The following MECOM variants were observed in gnomAD, a reference collection of about 807,000 sequenced individuals.
The protein encoded by MECOM is histone-lysine N-methyltransferase MECOM.
In MECOM, 13 loss-of-function variants were observed where a neutral mutation model predicts 116.3. That is an observed-to-expected ratio of 0.11 (90% CI 0.07 to 0.18). MECOM has a LOEUF of 0.18. Among genes scored for constraint, MECOM ranks in the 10% least tolerant of loss-of-function variants. The probability of loss-of-function intolerance (pLI) is 1.00; values close to 1 mark genes in which losing one functional copy is unlikely to be tolerated. For missense variants in MECOM, 1,299 were observed against 1,509.0 expected (o/e 0.86, Z 2.31); for synonymous variants, 528 against 535.2 (o/e 0.99, Z 0.19).
intron 1 of MECOM, among the ~76,000 whole-genome samples, chr3:169,582,878 C>T (rs903119045): frequency 1.3e-5 from 2 of 152,184 alleles, no homozygotes; most frequent in African/African-American, 4.8e-5. Flanking sequence ...TTGTCAGTTT[C>T]AGCACATCTA....
At chr3:169,345,841 C>T (rs77250479) in intron 2 of MECOM, among the ~76,000 whole-genome samples, 1,627 of 152,100 alleles carry the variant, frequency 0.011, 11 homozygotes, top group East Asian at 0.044. Flanking sequence ...CGACATGGCA[C>T]GATAAAGTAA....
At chr3:169,105,467 T>G (rs1448599958) in intron 10 of MECOM, among the ~76,000 whole-genome samples, 2 of 152,130 alleles carry the variant, frequency 1.3e-5, no homozygotes, top group Admixed American at 6.6e-5. Context: ...CATTTTAAAT[T>G]TTAAAAATCA....
chr3:169,447,381 T>C (rs988419686), intron 1 of MECOM, among the ~76,000 whole-genome samples: 1 of 152,146 alleles, frequency 6.6e-6, no homozygotes, highest in East Asian at 1.9e-4. Flanking sequence ...TAATGCAGGA[T>C]GTGAGGCTTT....
At chr3:169,301,395 T>C (rs963924099) in intron 2 of MECOM, among the ~76,000 whole-genome samples, 11 of 152,188 alleles carry the variant, frequency 7.2e-5, no homozygotes, top group African/African-American at 2.7e-4. Flanking sequence ...GGAGAAAATA[T>C]GTCTTTTATT....
chr3:169,193,811 G>A (rs1373229149), intron 2 of MECOM, among the ~76,000 whole-genome samples: 4 of 151,886 alleles, frequency 2.6e-5, no homozygotes, highest in African/African-American at 9.7e-5. Context: ...ATAAAACTAT[G>A]GTTAGTGTTA....
chr3:169,180,439 A>G (rs1214861835), intron 2 of MECOM, among the ~76,000 whole-genome samples: 1 of 152,182 alleles, frequency 6.6e-6, no homozygotes, highest in Non-Finnish European at 1.5e-5. Context: ...AGGTACTTAC[A>G]TAATGACTGG....
At chr3:169,201,023 C>G (rs766177925) in intron 2 of MECOM, among the ~76,000 whole-genome samples, 2 of 152,100 alleles carry the variant, frequency 1.3e-5, no homozygotes, top group Admixed American at 6.6e-5. Flanking sequence ...ATACATTTAC[C>G]CTTGCCCTGT....
intron 1 of MECOM, among the ~76,000 whole-genome samples, chr3:169,562,316 G>C (rs1199879527): frequency 1.3e-5 from 2 of 152,100 alleles, no homozygotes; most frequent in Non-Finnish European, 2.9e-5. Flanking sequence ...ACAGTGGTTA[G>C]AACTGAGATA....
intron 1 of MECOM, among the ~76,000 whole-genome samples, chr3:169,431,215 A>C (rs1741569114): frequency 6.6e-6 from 1 of 152,190 alleles, no homozygotes; most frequent in Non-Finnish European, 1.5e-5. Flanking sequence ...ACCCAAAGTC[A>C]TTAGCTGGTG....
chr3:169,270,599 T>C (rs901102633), intron 2 of MECOM, among the ~76,000 whole-genome samples: 1 of 152,164 alleles, frequency 6.6e-6, no homozygotes, highest in East Asian at 1.9e-4. Flanking sequence ...TTAAAGTGTT[T>C]ACAATCTTGA....
intron 2 of MECOM, among the ~76,000 whole-genome samples, chr3:169,159,561 A>T (rs1032827040): frequency 9.2e-5 from 14 of 152,184 alleles, no homozygotes; most frequent in Admixed American, 9.2e-4. Context: ...CCGTCTCAAA[A>T]AAATAAATAA....
intron 1 of MECOM, among the ~76,000 whole-genome samples, chr3:169,641,008 C>T (rs182915083): frequency 6.6e-5 from 10 of 152,328 alleles, no homozygotes; most frequent in Admixed American, 4.6e-4. Flanking sequence ...ACCAGTGACA[C>T]TCTAGATCTC....
At chr3:169,625,824 C>T (rs964080021) in intron 1 of MECOM, among the ~76,000 whole-genome samples, 6 of 152,116 alleles carry the variant, frequency 3.9e-5, no homozygotes, top group Non-Finnish European at 7.4e-5. Flanking sequence ...GACAATTGAC[C>T]AGCAATCAGA....
Position 169,356,524 on chromosome 3 carries a change from C to T in MECOM, c.375+24663G>A, listed in dbSNP as rs576851467. ...ATCTGCATTCACTCAGTATGAGAGCCGAACATAAGACAAAAAAGTGGGCCC... is the reference window on the plus strand; with the variant it reads ...ATCTGCATTCACTCAGTATGAGAGCTGAACATAAGACAAAAAAGTGGGCCC... On this transcript the variant is annotated intron_variant, in intron 2 of 16. Transcript: ENST00000651503. Among the ~76,000 whole-genome samples, 5 of 151,956 alleles carry T rather than the reference C, an allele frequency of 3.3e-5. No individual in the cohort carries two copies. In the South Asian group the frequency reaches 8.3e-4, roughly 25 times the overall value.
At chr3:169,146,271 A>G in intron 2 of MECOM, 1 of 1,226,704 alleles carries the variant, frequency 8.2e-7, no homozygotes, top group Non-Finnish European at 1.0e-6. Flanking sequence ...GAAGCAGCAC[A>G]CGATGTTGGA....
rs147846015 is a variant in MECOM at position 169,115,200 on chromosome 3, C to T, written c.2489+183G>A. Among the ~76,000 whole-genome samples the T allele has an allele frequency of 2.8e-3, 423 of 152,040 alleles. 3 individuals carry two copies. The highest frequency in any genetic ancestry group is 9.5e-3 in the African/African-American group (394 of 41,468). On this transcript the variant is annotated intron_variant, in intron 8 of 16. Transcript: ENST00000651503. ...CCAAACCCCCAACTTCAGAAACATC[C>T]AAAAATAAGTTCAAACAGAATGATC...
chr3:169,127,375 T>C (rs1733205214), intron 5 of MECOM, among the ~76,000 whole-genome samples: 1 of 152,260 alleles, frequency 6.6e-6, no homozygotes, highest in East Asian at 1.9e-4. Context: ...CTTTTATATA[T>C]ATGTAATTTA....
At chr3:169,216,222 G>A (rs1751403242) in intron 2 of MECOM, among the ~76,000 whole-genome samples, 1 of 152,056 alleles carries the variant, frequency 6.6e-6, no homozygotes, top group African/African-American at 2.4e-5. Flanking sequence ...TTTTCTGATG[G>A]TATGATGGTG....
At chr3:169,488,658 G>T (rs1289764464) in intron 1 of MECOM, among the ~76,000 whole-genome samples, 2 of 151,850 alleles carry the variant, frequency 1.3e-5, no homozygotes, top group Non-Finnish European at 2.9e-5. Flanking sequence ...CAATAAAAAT[G>T]AATAACAAAA....
Sources: gnomAD v4.1 joint callset for allele counts (sites outside exome capture counted in the v4.1 genomes callset) on GRCh38, gnomAD v4.1.1 for gene constraint, MANE v1.5 for transcripts, NCBI Gene and HGNC (gene_info 2026-07-23, HGNC 2026-07-21) for gene names.